Variants in BCL9 observed in about 807,000 individuals in gnomAD.
BCL9 encodes the protein BCL9 transcription coactivator.
A neutral mutation model predicts 88.5 loss-of-function variants in BCL9; 25 were observed. The ratio of observed to expected loss-of-function variants is 0.28; its 90% CI spans 0.21 to 0.39. BCL9 has a LOEUF of 0.39. Ranked by LOEUF, BCL9 falls within the 10% of genes least tolerant of loss-of-function variation. The probability of loss-of-function intolerance (pLI) is 1.00; values close to 1 mark genes in which losing one functional copy is unlikely to be tolerated. For synonymous variants in BCL9, 711 were observed against 673.3 expected (o/e 1.06, Z -0.87); for missense variants, 1,817 against 1,877.8 (o/e 0.97, Z 0.60).
intron 1 of BCL9, among the ~76,000 whole-genome samples, chr1:147,584,506 T>A (rs1291672587): frequency 3.3e-5 from 5 of 152,232 alleles, no homozygotes; most frequent in African/African-American, 1.2e-4. Context: ...ATTTGTTGAC[T>A]AATCTTTTTT....
chr1:147,611,629 G>A lies in BCL9; in HGVS notation c.-208G>A. On this transcript the variant is annotated 5_prime_UTR_variant, in exon 4 of 10. Transcript: ENST00000234739. ...TCTGGCAGCAGGAGGCACGCACCCA[G>A]AGAATGCTGGAGCTGCAAGGGGAAA... The A allele has an allele frequency of 1.7e-6, 1 of 578,032 alleles. No homozygotes were observed. Among genetic ancestry groups the A allele is most frequent in the Admixed American group, 3.0e-5 (1 of 33,568 alleles). The allele number at this position is 578,032 out of a possible 1,614,324, so 35.8% of individuals were successfully genotyped here.
chr1:147,580,840 C>G (rs1553198568), intron 1 of BCL9, among the ~76,000 whole-genome samples: 2 of 152,170 alleles, frequency 1.3e-5, no homozygotes, highest in Non-Finnish European at 2.9e-5. Context: ...CTACTATGTG[C>G]TGGGTATTTT....
chr1:147,549,832 T>A (rs1277456470), intron 1 of BCL9, among the ~76,000 whole-genome samples: 1 of 152,192 alleles, frequency 6.6e-6, no homozygotes, highest in Non-Finnish European at 1.5e-5. Context: ...TGTGTTTGCT[T>A]TCCTCAGGCT....
In BCL9 at chr1:147,611,609, C is replaced by T; in HGVS notation, c.-228C>T. 1 of 554,280 alleles carries T rather than the reference C, an allele frequency of 1.8e-6. No individual in the cohort carries two copies. The highest frequency in any genetic ancestry group is 2.6e-5 in the South Asian group (1 of 38,720). The allele number at this position is 554,280 out of a possible 1,614,324, so 34.3% of individuals were successfully genotyped here. ...CTGGAGATGCGAGATTTTCCTCTGGCAGCAGGAGGCACGCACCCAGAGAAT... is the reference window on the plus strand; with the variant it reads ...CTGGAGATGCGAGATTTTCCTCTGGTAGCAGGAGGCACGCACCCAGAGAAT... On this transcript the variant is annotated 5_prime_UTR_variant, in exon 4 of 10. An upstream open reading frame in the 5' UTR gains an earlier in-frame stop. Coordinates refer to ENST00000234739, the MANE Select transcript of BCL9 (RefSeq NM_004326.4).
chr1:147,571,574 C>G (rs1553197428), intron 1 of BCL9, among the ~76,000 whole-genome samples: 5 of 152,142 alleles, frequency 3.3e-5, no homozygotes, highest in Non-Finnish European at 7.4e-5. Context: ...ATGTTGAAGT[C>G]CCTTAGTTCT....
rs782756769 is a variant in BCL9, at chr1:147,614,468, C to T, written c.412C>T (p.His138Tyr). The part of the protein sequence containing the change: ...ADHIKSQDSQ[H>Y]TPHSMTPSNA... ...CCACATAAAGTCCCAGGATTCCCAG[C>T]ACACACCACACTCGATGACCCCATC... is the stretch of plus-strand genomic sequence containing the variant. The change falls in exon 6 of 10, where the codon CAC becomes TAC. Residue 138 changes from histidine (H) to tyrosine (Y), a missense_variant. Coordinates refer to ENST00000234739, the MANE Select transcript of BCL9 (RefSeq NM_004326.4). 3.7e-6 allele frequency: 6 copies of T among 1,614,088 alleles called. No individual in the cohort carries two copies. The South Asian group carries it at 5.5e-5, about 15-fold the overall frequency.
chr1:147,621,269 C>A, intron 8 of BCL9, among the ~76,000 whole-genome samples: 1 of 148,910 alleles, frequency 6.7e-6, no homozygotes, highest in African/African-American at 2.5e-5. Flanking sequence ...GTCAGAGAGA[C>A]TGTTAAAAGG....
intron 2 of BCL9, 115 bp downstream of exon 2, chr1:147,605,026 C>G (rs146340576): frequency 5.7e-4 from 86 of 152,170 alleles, no homozygotes; most frequent in African/African-American, 2.0e-3. Flanking sequence ...ATTCATTATT[C>G]TAAGAATTCT....
At chr1:147,617,762 A>G (rs1658362486) in intron 7 of BCL9, among the ~76,000 whole-genome samples, 1 of 152,216 alleles carries the variant, frequency 6.6e-6, no homozygotes, top group African/African-American at 2.4e-5. Flanking sequence ...TACAGACTGG[A>G]TTAAGCGAAC....
chr1:147,574,333 C>G (rs1238083423), intron 1 of BCL9, among the ~76,000 whole-genome samples: 6 of 152,186 alleles, frequency 3.9e-5, no homozygotes, highest in African/African-American at 1.4e-4. Context: ...GAACGTAGTG[C>G]AATGTGAGTG....
chr1:147,567,229 G>C (rs922275589), intron 1 of BCL9, among the ~76,000 whole-genome samples: 6 of 152,088 alleles, frequency 3.9e-5, no homozygotes, highest in Admixed American at 6.5e-5. Flanking sequence ...CATTGGCTTT[G>C]GTGATGTTTT....
At chr1:147,561,400 G>A (rs922798252) in intron 1 of BCL9, among the ~76,000 whole-genome samples, 9 of 152,138 alleles carry the variant, frequency 5.9e-5, no homozygotes, top group Non-Finnish European at 1.2e-4. Context: ...TCCATTCCAT[G>A]TAAAACAATG....
In BCL9 at chr1:147,620,810, C is replaced by T. The variant is rs1415930675; in HGVS notation, c.2655C>T (p.Ser885=). 3 of 1,614,128 alleles carry T rather than the reference C, an allele frequency of 1.9e-6. No homozygotes were observed. In the East Asian group the frequency reaches 6.7e-5, roughly 36 times the overall value. Residue 885 remains serine (S), a synonymous_variant, in exon 8 of 10, where the codon TCC becomes TCT. Coordinates refer to ENST00000234739, the MANE Select transcript of BCL9 (RefSeq NM_004326.4). ...MLGSPSGNLK[S]PQTPSQLAGM... ...GCTCGCCCTCGGGGAACCTCAAGTC[C>T]CCCCAGACTCCATCGCAGCTGGCAG...
At chr1:147,548,574 CTCTGGGCTG>C (rs1553194495) in intron 1 of BCL9, among the ~76,000 whole-genome samples, 1 of 152,172 alleles carries the variant, frequency 6.6e-6, no homozygotes, top group African/African-American at 2.4e-5. Context: ...CTGCCTCCTG[CTCTGGGCTG>C]TGGCCCCTCA....
In BCL9 at chr1:147,613,112, G is replaced by T. The variant is rs782320593; in HGVS notation, c.283G>T (p.Gly95Cys). ...LKNGAGNGAKGKGKRERSISA... is the reference protein window; with the variant it reads ...LKNGAGNGAKCKGKRERSISA... ...GAATGGGGCTGGAAATGGTGCCAAG[G>T]GCAAGGGGAAAAGGGAGCGAAGTAT... Residue 95 changes from glycine (G) to cysteine (C), a missense_variant, in exon 5 of 10, where the codon GGC becomes TGC. Physicochemically the swap from Gly to Cys is radical, Grantham distance 159. Around this residue, in one of 2 missense-constraint regions of BCL9, gnomAD observed 1,228 missense variants for 1,191.6 expected, o/e 1.03. Coordinates refer to ENST00000234739, the MANE Select transcript of BCL9 (RefSeq NM_004326.4). The T allele has an allele frequency of 1.2e-6, 2 of 1,614,184 alleles. No individual in the cohort carries two copies. Among genetic ancestry groups the T allele is most frequent in the East Asian group, 2.2e-5 (1 of 44,868 alleles).
At chr1:147,556,416 GCCCA>G (rs1655116951) in intron 1 of BCL9, among the ~76,000 whole-genome samples, 1 of 150,258 alleles carries the variant, frequency 6.7e-6, no homozygotes, top group Non-Finnish European at 1.5e-5. Context: ...GAGCCACCGC[GCCCA>G]GCCTCATTTA....
At chr1:147,618,399 C>T (rs149872237) in intron 7 of BCL9, among the ~76,000 whole-genome samples, 112 of 152,254 alleles carry the variant, frequency 7.4e-4, no homozygotes, top group Middle Eastern at 6.8e-3. Context: ...AGTCTACATA[C>T]CCAGTTATAC....
At chr1:147,616,763 ACT>A (rs1415630854) in intron 7 of BCL9, among the ~76,000 whole-genome samples, 6 of 94,864 alleles carry the variant, frequency 6.3e-5, no homozygotes, top group African/African-American at 1.7e-4. Flanking sequence ...TAAGAGTGAG[ACT>A]CTGTCTCAAA....
chr1:147,557,384 G>A (rs1183576088), intron 1 of BCL9, among the ~76,000 whole-genome samples: 2 of 152,152 alleles, frequency 1.3e-5, no homozygotes. Flanking sequence ...ATATATCCTT[G>A]CAGCTTTGAG....
Sources: allele counts gnomAD v4.1 joint callset (sites outside exome capture counted in the v4.1 genomes callset), GRCh38; gene constraint gnomAD v4.1.1; regional missense constraint gnomAD v4.1.1; transcripts MANE v1.5; gene names NCBI Gene and HGNC (gene_info 2026-07-23, HGNC 2026-07-21).